Variants in TBC1D2 observed in about 807,000 individuals in gnomAD.
The protein encoded by TBC1D2 is TBC1 domain family member 2A.
Under a neutral mutation model 91.1 loss-of-function variants are expected in TBC1D2, and 58 were observed. That is an observed-to-expected ratio of 0.64 (90% CI 0.52 to 0.79). The LOEUF is 0.79. TBC1D2 is among the 30% of genes least tolerant of loss of function. The probability of loss-of-function intolerance (pLI) is 0.00; values close to 1 mark genes in which losing one functional copy is unlikely to be tolerated. For missense variants in TBC1D2, 1,080 were observed against 1,208.3 expected (o/e 0.89, Z 1.57); for synonymous variants, 482 against 511.5 (o/e 0.94, Z 0.78).
At chr9:98,230,988 G>A (rs1395362245) in intron 4 of TBC1D2, among the ~76,000 whole-genome samples, 1 of 152,180 alleles carries the variant, frequency 6.6e-6, no homozygotes, top group African/African-American at 2.4e-5. Context: ...AGCCTGCAGA[G>A]CTCAGAAATA....
chr9:98,243,933 C>CG, intron 3 of TBC1D2, 61 bp downstream of exon 3: 3 of 1,561,674 alleles, frequency 1.9e-6, no homozygotes, highest in Non-Finnish European at 2.6e-6. Flanking sequence ...CACAGTGGGT[C>CG]AAGCTCCACT....
chr9:98,210,869 G>A, intron 7 of TBC1D2, 26 bp from the exon 8 acceptor site: 2 of 1,542,328 alleles, frequency 1.3e-6, no homozygotes, highest in East Asian at 4.9e-5. Context: ...GGCTGGTCAG[G>A]CTACCGGGTG....
chr9:98,223,789 C>G (rs76682521), intron 5 of TBC1D2, among the ~76,000 whole-genome samples: 1 of 152,138 alleles, frequency 6.6e-6, no homozygotes, highest in Non-Finnish European at 1.5e-5. Flanking sequence ...CTTAAAAGAA[C>G]GGAACCAGGG....
At position 98,229,118 on chromosome 9, in the gene TBC1D2, G is replaced by A. The variant is rs138006629; in HGVS notation, c.812C>T (p.Ala271Val). The change falls in exon 5 of 13, where the codon GCA (alanine) becomes GTA (valine). Residue 271 changes from alanine (A) to valine (V), a missense_variant. By Grantham distance (64) the Ala-to-Val change is moderately conservative. Transcript: ENST00000465784. ...GREPEDSPKPAPKPSLTISFA... is the reference protein window; with the variant it reads ...GREPEDSPKPVPKPSLTISFA... ...ACTGATGGTCAGAGAAGGCTTGGGT[G>A]CAGGCTTTGGAGAATCCTCTGGCTC... 6.8e-6 allele frequency: 11 copies of A among 1,614,228 alleles called. No individual in the cohort carries two copies. Among genetic ancestry groups the A allele is most frequent in the Non-Finnish European group, 9.3e-6 (11 of 1,180,038 alleles).
chr9:98,200,430 C>T (rs554860638), intron 11 of TBC1D2, 56 bp from the exon 12 acceptor site: 212 of 1,534,986 alleles, frequency 1.4e-4, no homozygotes, highest in South Asian at 1.7e-4. Flanking sequence ...AGGTCATCCC[C>T]GGAGGGAGGG....
At chr9:98,252,014 G>T (rs1829884038) in intron 1 of TBC1D2, 88 bp from the exon 2 acceptor site, 2 of 1,492,770 alleles carry the variant, frequency 1.3e-6, no homozygotes, top group South Asian at 2.6e-5. Context: ...GGGAGGCTTA[G>T]GAATGCTTTC....
In TBC1D2 at chr9:98,235,190, C is replaced by A. The variant is rs538108483; in HGVS notation, c.648-1641G>T. 10 of 276,144 alleles carry A rather than the reference C, an allele frequency of 3.6e-5. No homozygotes were observed. The East Asian group carries it at 9.1e-4, about 25-fold the overall frequency. 17.1% of individuals were successfully genotyped at this position (276,144 alleles called of 1,614,324 possible). A position where few individuals can be genotyped will look rare whatever the true frequency, so the allele number is the denominator to read the frequency against. On this transcript the variant is annotated intron_variant, in intron 3 of 12. Transcript: ENST00000465784. ...TGCACCTCCAGCCTGGACGACAGAG[C>A]GAGACTCCATTTCAAAAAAAAAAAA...
At chr9:98,222,352 C>T (rs1189475295) in intron 5 of TBC1D2, among the ~76,000 whole-genome samples, 2 of 152,316 alleles carry the variant, frequency 1.3e-5, no homozygotes, top group Admixed American at 6.5e-5. Context: ...AGAGGAAATA[C>T]ACTGGCAATC....
At chr9:98,203,253 A>G (rs568147742) in intron 10 of TBC1D2, 35 bp downstream of exon 10, 1 of 1,612,976 alleles carries the variant, frequency 6.2e-7, no homozygotes, top group Non-Finnish European at 8.5e-7. Flanking sequence ...GCACTGCCCT[A>G]CATGGCTGCA....
At chr9:98,253,626 C>T (rs1829914144) in intron 1 of TBC1D2, among the ~76,000 whole-genome samples, 1 of 152,186 alleles carries the variant, frequency 6.6e-6, no homozygotes, top group African/African-American at 2.4e-5. Flanking sequence ...AATTTGCTCA[C>T]GGTGCTCTCT....
chr9:98,240,041 G>A (rs1285167401), intron 3 of TBC1D2, among the ~76,000 whole-genome samples: 2 of 151,928 alleles, frequency 1.3e-5, no homozygotes, highest in Non-Finnish European at 2.9e-5. Context: ...CTTGACTTTA[G>A]TAATTTGAGT....
intron 10 of TBC1D2, among the ~76,000 whole-genome samples, chr9:98,202,203 T>A (rs955150449): frequency 2.0e-5 from 3 of 152,166 alleles, no homozygotes; most frequent in Non-Finnish European, 2.9e-5. Context: ...CATCAAGGAA[T>A]CTTCTCAAAA....
chr9:98,244,002 A>G lies in TBC1D2; in HGVS notation c.639T>C (p.Thr213=). 6.2e-7 allele frequency: 1 copy of G among 1,605,506 alleles called. No individual in the cohort carries two copies. Among genetic ancestry groups the G allele is most frequent in the Non-Finnish European group, 8.5e-7 (1 of 1,176,210 alleles). ...GCTCCACTGGCACTTACTGTATTTC[A>G]GTCCCCAGGTGCTTGAGGGAAATAT... ...LQNISLKHLG[T]EIQNTMHNIR... Residue 213 remains threonine (T), a synonymous_variant, in exon 3 of 13, where the codon ACT becomes ACC. Transcript: ENST00000465784.
intron 3 of TBC1D2, among the ~76,000 whole-genome samples, chr9:98,237,077 C>T (rs1829522799): frequency 6.6e-6 from 1 of 152,078 alleles, no homozygotes. Flanking sequence ...TGGCTCACGC[C>T]TGTAATCTCA....
intron 3 of TBC1D2, among the ~76,000 whole-genome samples, chr9:98,239,608 T>G (rs1313220837): frequency 2.0e-5 from 3 of 152,244 alleles, no homozygotes; most frequent in Non-Finnish European, 4.4e-5. Context: ...TCTGCCTTCA[T>G]AAGGGATATT....
intron 5 of TBC1D2, among the ~76,000 whole-genome samples, chr9:98,224,492 G>A (rs1007320634): frequency 2.6e-5 from 4 of 151,626 alleles, no homozygotes; most frequent in Non-Finnish European, 5.9e-5. Flanking sequence ...TATGTTGTTC[G>A]GGGTGGTCTT....
At chr9:98,229,664 C>T (rs1829321330) in intron 4 of TBC1D2, among the ~76,000 whole-genome samples, 1 of 152,250 alleles carries the variant, frequency 6.6e-6, no homozygotes, top group African/African-American at 2.4e-5. Flanking sequence ...GCAGCTCAAG[C>T]ATTTAACTTG....
At chr9:98,246,793 G>C (rs1829772476) in intron 2 of TBC1D2, among the ~76,000 whole-genome samples, 1 of 152,104 alleles carries the variant, frequency 6.6e-6, no homozygotes, top group Non-Finnish European at 1.5e-5. Flanking sequence ...ACAGGCAACA[G>C]TAAGGGGTTT....
At chr9:98,210,119 C>A (rs984938309) in intron 8 of TBC1D2, among the ~76,000 whole-genome samples, 1 of 152,068 alleles carries the variant, frequency 6.6e-6, no homozygotes, top group Non-Finnish European at 1.5e-5. Flanking sequence ...AGCCACTGTG[C>A]CCAGCTCTTT....
Sources: allele counts gnomAD v4.1 joint callset (sites outside exome capture counted in the v4.1 genomes callset), GRCh38; gene constraint gnomAD v4.1.1; transcripts MANE v1.5; gene names NCBI Gene and HGNC (gene_info 2026-07-23, HGNC 2026-07-21).